SDHAF4: variants seen among roughly 807,000 people sequenced by gnomAD.
The protein encoded by SDHAF4 is succinate dehydrogenase assembly factor 4, mitochondrial.
Under a neutral mutation model 14.3 loss-of-function variants are expected in SDHAF4, and 14 were observed. That is an observed-to-expected ratio of 0.98 (90% CI 0.65 to 1.53). The LOEUF (loss-of-function observed/expected upper bound fraction) is 1.53, where lower values mean the gene tolerates loss of function less well. SDHAF4 is among the 40% of genes most tolerant of loss of function. SDHAF4 has a pLI of 0.00. For missense variants in SDHAF4, 141 were observed against 129.3 expected (o/e 1.09, Z -0.44); for synonymous variants, 63 against 47.3 (o/e 1.33, Z -1.36).
intron 1 of SDHAF4, 137 bp from the exon 2 acceptor site, chr6:70,579,277 A>T: frequency 3.1e-6 from 2 of 654,644 alleles, no homozygotes; most frequent in Non-Finnish European, 4.4e-6. Flanking sequence ...AAGAATTTTC[A>T]CTCTGCGTCC....
At chr6:70,571,047 C>T in intron 1 of SDHAF4, among the ~76,000 whole-genome samples, 1 of 150,928 alleles carries the variant, frequency 6.6e-6, no homozygotes, top group Non-Finnish European at 1.5e-5. Context: ...ACAGTTATAC[C>T]CTTTTTGGGT....
At chr6:70,581,802 G>A (rs1222716944) in intron 2 of SDHAF4, among the ~76,000 whole-genome samples, 1 of 152,026 alleles carries the variant, frequency 6.6e-6, no homozygotes, top group Non-Finnish European at 1.5e-5. Context: ...TAGAGATGAG[G>A]TCTTGCCATG....
rs978920761 is a variant in SDHAF4, at chr6:70,572,925, T to C, written c.64+5921T>C. 2.0e-5 allele frequency among the ~76,000 whole-genome samples: 3 copies of C among 152,236 alleles called. No homozygotes were observed. In the East Asian group the frequency reaches 5.8e-4, roughly 29 times the overall value. On this transcript the variant is annotated intron_variant, in intron 1 of 2. Coordinates refer to ENST00000370474, the MANE Select transcript of SDHAF4 (RefSeq NM_145267.3). ...CATAAAGACTTTTGTATAGTCAGTA[T>C]GTTAAAGCATTTTCTCTGTATTCTT...
chr6:70,583,919 A>C (rs1209430555), intron 2 of SDHAF4, among the ~76,000 whole-genome samples: 1 of 152,190 alleles, frequency 6.6e-6, no homozygotes, highest in Non-Finnish European at 1.5e-5. Flanking sequence ...AGCAGTGAGG[A>C]AATGTATTTG....
chr6:70,575,597 A>G (rs187643903), intron 1 of SDHAF4, among the ~76,000 whole-genome samples: 24 of 151,912 alleles, frequency 1.6e-4, no homozygotes, highest in African/African-American at 5.1e-4. Flanking sequence ...GATTTAGAAG[A>G]TGTTTGATTT....
downstream of SDHAF4, among the ~76,000 whole-genome samples, chr6:70,591,684 G>C (rs1398798444): frequency 2.0e-5 from 3 of 152,214 alleles, no homozygotes; most frequent in East Asian, 5.8e-4. Context: ...TTTTATATGA[G>C]TACAACATTT....
chr6:70,587,996 C>G (rs1225447051), intron 2 of SDHAF4, among the ~76,000 whole-genome samples: 2 of 152,210 alleles, frequency 1.3e-5, no homozygotes, highest in East Asian at 3.9e-4. Flanking sequence ...TAATTAACAA[C>G]ACAGTGAGAG....
At chr6:70,590,355 A>G (rs190849055), downstream of SDHAF4, among the ~76,000 whole-genome samples, 5 of 152,368 alleles carry the variant, frequency 3.3e-5, no homozygotes, top group Admixed American at 3.3e-4. Flanking sequence ...ATGGGTTTCT[A>G]TAACCAAGAG....
chr6:70,578,029 C>A (rs1802277730), intron 1 of SDHAF4, among the ~76,000 whole-genome samples: 1 of 152,202 alleles, frequency 6.6e-6, no homozygotes, highest in Admixed American at 6.5e-5. Flanking sequence ...CTGCAGTGAA[C>A]ATGCAAGCGC....
intron 1 of SDHAF4, among the ~76,000 whole-genome samples, chr6:70,574,130 G>A (rs1802220382): frequency 6.6e-6 from 1 of 151,862 alleles, no homozygotes; most frequent in South Asian, 2.1e-4. Context: ...AGACCAGCCT[G>A]GCCTACATGG....
intron 1 of SDHAF4, among the ~76,000 whole-genome samples, chr6:70,577,851 C>G (rs1279449067): frequency 6.6e-6 from 1 of 152,188 alleles, no homozygotes; most frequent in African/African-American, 2.4e-5. Flanking sequence ...CATTAGTTCA[C>G]TTAGAATAAT....
At chr6:70,575,029 A>G (rs982738367) in intron 1 of SDHAF4, among the ~76,000 whole-genome samples, 1 of 152,174 alleles carries the variant, frequency 6.6e-6, no homozygotes, top group Admixed American at 6.5e-5. Flanking sequence ...TGAGTTTAAG[A>G]GACTGTCATC....
chr6:70,584,835 G>A (rs956738600), intron 2 of SDHAF4, among the ~76,000 whole-genome samples: 5 of 152,122 alleles, frequency 3.3e-5, no homozygotes, highest in Non-Finnish European at 5.9e-5. Flanking sequence ...TTGTGGCCTC[G>A]ATGTGTGATG....
chr6:70,593,799 C>G (rs1765279459), downstream of SDHAF4, among the ~76,000 whole-genome samples: 1 of 152,106 alleles, frequency 6.6e-6, no homozygotes, highest in Non-Finnish European at 1.5e-5. Context: ...TCAAGTGATT[C>G]TCCTGCCTCA....
At chr6:70,572,058 CTTTTTTTTTTTTTTTTTTT>C (rs66688860) in intron 1 of SDHAF4, among the ~76,000 whole-genome samples, 1 of 53,506 alleles carries the variant, frequency 1.9e-5, no homozygotes, top group Non-Finnish European at 3.2e-5. Flanking sequence ...CTTTTTTTGT[CTTTTTTTTTTTTTTTTTTT>C]TTTTTTTTTG....
intron 2 of SDHAF4, among the ~76,000 whole-genome samples, chr6:70,582,357 G>A (rs1037408959): frequency 6.6e-6 from 1 of 152,182 alleles, no homozygotes; most frequent in Non-Finnish European, 1.5e-5. Context: ...GAGCCACCAC[G>A]CCCGGCTTAA....
At chr6:70,590,984 C>T (rs1765252399), downstream of SDHAF4, among the ~76,000 whole-genome samples, 2 of 152,102 alleles carry the variant, frequency 1.3e-5, no homozygotes, top group Admixed American at 1.3e-4. Flanking sequence ...AAGAGATGTC[C>T]TAGCTCAAGC....
At chr6:70,595,843 A>G in the SDHAF4 span, among the ~76,000 whole-genome samples, 1 of 131,912 alleles carries the variant, frequency 7.6e-6, no homozygotes, top group Non-Finnish European at 1.6e-5. Context: ...CTCAAAAAAA[A>G]AAAAAAAAAG....
intron 2 of SDHAF4, among the ~76,000 whole-genome samples, chr6:70,586,333 A>G (rs1459059775): frequency 6.6e-6 from 1 of 151,828 alleles, no homozygotes; most frequent in Non-Finnish European, 1.5e-5. Context: ...CTGCCTTAGA[A>G]TGCGCTTATG....
Sources: gnomAD v4.1 joint callset for allele counts (sites outside exome capture counted in the v4.1 genomes callset) on GRCh38, gnomAD v4.1.1 for gene constraint, MANE v1.5 for transcripts, NCBI Gene and HGNC (gene_info 2026-07-23, HGNC 2026-07-21) for gene names.